ESPL1: variants seen among roughly 807,000 people sequenced by gnomAD.
ESPL1 encodes the protein separin.
ESPL1 carries 50 observed loss-of-function variants against 217.2 expected under a neutral mutation model. The ratio of observed to expected loss-of-function variants is 0.23; its 90% CI spans 0.18 to 0.29. The LOEUF (loss-of-function observed/expected upper bound fraction) is 0.29. Ranked by LOEUF, ESPL1 falls within the 10% of genes least tolerant of loss-of-function variation. The pLI, the probability that ESPL1 is intolerant of heterozygous loss-of-function variation, is 1.00. For synonymous variants in ESPL1, 994 were observed against 1,081.3 expected (o/e 0.92, Z 1.58); for missense variants, 1,834 against 2,603.0 (o/e 0.70, Z 6.43).
chr12:53,284,284 A>C (rs1306617822), intron 17 of ESPL1, 117 bp downstream of exon 17: 1 of 695,978 alleles, frequency 1.4e-6, no homozygotes, highest in Non-Finnish European at 2.6e-6. Context: ...GTCTCACTTT[A>C]TTACCCAGGC....
rs1285247596 is a variant in ESPL1 at position 53,282,426 on chromosome 12, T to C, written c.2782T>C (p.Cys928Arg). 2.5e-6 allele frequency: 4 copies of C among 1,614,126 alleles called. No individual in the cohort carries two copies. Among genetic ancestry groups the C allele is most frequent in the African/African-American group, 1.3e-5 (1 of 75,066 alleles). Residue 928 changes from cysteine (C) to arginine (R), a missense_variant, in exon 14 of 31, where the codon TGT (cysteine) becomes CGT (arginine). Around this residue, in one of 5 missense-constraint regions of ESPL1, gnomAD observed 107 missense variants for 171.7 expected, o/e 0.62. Coordinates refer to ENST00000257934, the MANE Select transcript of ESPL1 (RefSeq NM_012291.5). This position sits in a 1 kb window ranked among gnomAD's most constrained non-coding sequence, Gnocchi z 4.0. ...NLSHSLWEQL[C>R]AQGWQTPEIA... ...CTCACACTCCCTGTGGGAGCAGCTCTGTGCCCAAGGTGAAAGAATAGGGTG... is the reference window on the plus strand; with the variant it reads ...CTCACACTCCCTGTGGGAGCAGCTCCGTGCCCAAGGTGAAAGAATAGGGTG...
rs1943879800 is a variant in ESPL1 at position 53,282,504 on chromosome 12, A to G, written c.2791+69A>G. On this transcript the variant is annotated intron_variant, in intron 14 of 30. Coordinates refer to ENST00000257934, the MANE Select transcript of ESPL1 (RefSeq NM_012291.5). The surrounding 1 kb of genome is among the most constrained non-coding windows in gnomAD (Gnocchi z 4.0). ...GTCTGTCTGCTGTCAGCTCTTCTCA[A>G]ACCTCATCCCCTCTGCTGGCTAACT... The G allele has an allele frequency of 1.4e-6, 2 of 1,432,564 alleles. No homozygotes were observed. The highest frequency in any genetic ancestry group is 1.9e-5 in the Admixed American group (1 of 53,990). The allele number at this position is 1,432,564 out of a possible 1,614,324, so 88.7% of individuals were successfully genotyped here. A position where few individuals can be genotyped will look rare whatever the true frequency, so the allele number is the denominator to read the frequency against.
At chr12:53,270,542 GCCCTCAAACAGCTTTGGGGTTGCTCCAC>G in intron 4 of ESPL1, 60 bp downstream of exon 4, 1 of 294,940 alleles carries the variant, frequency 3.4e-6, no homozygotes, top group African/African-American at 6.8e-5. Context: ...TTGCTCCACT[GCCCTCAAACAGCTTTGGGGTTGCTCCAC>G]TGCCCTCAAA....
In ESPL1 at chr12:53,270,763, C is replaced by T. The variant is rs371969495; in HGVS notation, c.1334C>T (p.Ser445Leu). The T allele has an allele frequency of 8.7e-6, 14 of 1,614,148 alleles. No individual in the cohort carries two copies. The highest frequency in any genetic ancestry group is 1.7e-5 in the Admixed American group (1 of 60,010). ...VWMLEALEGL[S>L]GQELTDHMGM... ...ATGCTGGAGGCCTTAGAGGGCCTGT[C>T]GGGCCAAGAGCTGACGGACCACATG... The change falls in exon 5 of 31, where the codon TCG (serine) becomes TTG (leucine). Residue 445 changes from serine (S) to leucine (L), a missense_variant. Physicochemically the swap from Ser to Leu is moderately radical, Grantham distance 145. Transcript: ENST00000257934.
rs748052663 is a variant in ESPL1, at chr12:53,276,844, C to T, written c.1925C>T (p.Thr642Met). The T allele has an allele frequency of 4.0e-5, 64 of 1,613,644 alleles. No homozygotes were observed. The highest frequency in any genetic ancestry group is 2.3e-4 in the South Asian group (21 of 91,084). The change falls in exon 8 of 31, where the codon ACG (threonine) becomes ATG (methionine). Residue 642 changes from threonine to methionine, a missense_variant. Thr to Met is a moderately conservative substitution (Grantham distance 81, BLOSUM62 -1). Transcript: ENST00000257934. ...CAGGTGCTCTGCTACCACGACTTTA[C>T]GCAGCAGACCAACTGGTAAGGAGTA... ...LAQVLCYHDFTQQTNCSALDA... is the reference protein window; with the variant it reads ...LAQVLCYHDFMQQTNCSALDA...
chr12:53,282,463 T>A lies in ESPL1; in HGVS notation c.2791+28T>A. 6.2e-7 allele frequency: 1 copy of A among 1,603,222 alleles called. No homozygotes were observed. The highest frequency in any genetic ancestry group is 1.7e-4 in the Middle Eastern group (1 of 6,042). ...GAAAGAATAGGGTGGATGGCCCCCC[T>A]TGGATGACATGTATGGTCTGTCTGC... On this transcript the variant is annotated intron_variant, in intron 14 of 30. Coordinates refer to ENST00000257934, the MANE Select transcript of ESPL1 (RefSeq NM_012291.5). This position sits in a 1 kb window ranked among gnomAD's most constrained non-coding sequence, Gnocchi z 4.0.
chr12:53,278,677 C>T (rs1355170338), intron 11 of ESPL1, among the ~76,000 whole-genome samples: 2 of 151,136 alleles, frequency 1.3e-5, no homozygotes, highest in African/African-American at 2.4e-5. Flanking sequence ...CTGCAACTTC[C>T]GCCATCTGGG....
rs768578932 is a variant in ESPL1 at position 53,269,833 on chromosome 12, G to A, written c.891G>A (p.Gly297=). ...LAPSLQLCQL[G]VKLLQVGEEG... is the part of the protein sequence containing the mutation. The stretch of plus-strand genomic sequence containing the variant: ...CTAGCCTTCAGCTATGTCAGCTGGG[G>A]GTTAAGCTGCTGCAGGTTGGGGAGG... The change falls in exon 3 of 31, where the codon GGG becomes GGA. Residue 297 remains glycine, a synonymous_variant. Transcript: ENST00000257934. This position sits in a 1 kb window ranked among gnomAD's most constrained non-coding sequence, Gnocchi z 6.7. The A allele has an allele frequency of 2.5e-6, 4 of 1,614,214 alleles. No individual in the cohort carries two copies. The highest frequency in any genetic ancestry group is 2.7e-5 in the African/African-American group (2 of 75,054).
intron 25 of ESPL1, 62 bp from the exon 26 acceptor site, chr12:53,291,628 T>C: frequency 6.5e-7 from 1 of 1,526,950 alleles, no homozygotes; most frequent in Non-Finnish European, 8.9e-7. Context: ...AAACTGGACT[T>C]AATCCTTTCC....
At position 53,269,069 on chromosome 12, in the gene ESPL1, G is replaced by T. The variant is rs778301697; in HGVS notation, c.127G>T (p.Asp43Tyr). Residue 43 changes from aspartate to tyrosine, a missense_variant, in exon 3 of 31, where the codon GAT becomes TAT. Physicochemically the swap from Asp to Tyr is radical, Grantham distance 160. Coordinates refer to ENST00000257934, the MANE Select transcript of ESPL1 (RefSeq NM_012291.5). The surrounding 1 kb of genome is among the most constrained non-coding windows in gnomAD (Gnocchi z 6.7). Reference protein sequence around the residue: ...PPAGFPSSRSDAERRQACDAI... With the variant: ...PPAGFPSSRSYAERRQACDAI... ...AGCTGGTTTTCCCAGCAGCCGATCT[G>T]ATGCTGAGAGGAGACAAGCTTGTGA... 2 of 1,613,766 alleles carry T rather than the reference G, an allele frequency of 1.2e-6. No homozygotes were observed. Among genetic ancestry groups the T allele is most frequent in the Admixed American group, 3.3e-5 (2 of 60,000 alleles).
chr12:53,282,159 A>G lies in ESPL1; in HGVS notation c.2620-105A>G. On this transcript the variant is annotated intron_variant, in intron 13 of 30. Transcript: ENST00000257934. The surrounding 1 kb of genome is among the most constrained non-coding windows in gnomAD (Gnocchi z 4.0). ...ATTCAGAAAATTCTAAAATCTTTCTAATACCCAGGGCCTTCAGGGATGGGG... is the reference window on the plus strand; with the variant it reads ...ATTCAGAAAATTCTAAAATCTTTCTGATACCCAGGGCCTTCAGGGATGGGG... 1.1e-6 allele frequency: 1 copy of G among 887,748 alleles called. No individual in the cohort carries two copies. Among genetic ancestry groups the G allele is most frequent in the South Asian group, 1.5e-5 (1 of 64,812 alleles). The allele number at this position is 887,748 out of a possible 1,614,324, so 55.0% of individuals were successfully genotyped here.
At chr12:53,271,026 T>C (rs1030154519) in intron 5 of ESPL1, among the ~76,000 whole-genome samples, 2 of 152,024 alleles carry the variant, frequency 1.3e-5, no homozygotes, top group Non-Finnish European at 2.9e-5. Flanking sequence ...GGAATCTAAC[T>C]TGGCATTAAC....
intron 15 of ESPL1, 47 bp from the exon 16 acceptor site, chr12:53,283,335 A>T (rs771045216): frequency 1.9e-6 from 3 of 1,612,596 alleles, no homozygotes; most frequent in South Asian, 2.2e-5. Context: ...TCTCCAGAGG[A>T]TCCACACTGT....
chr12:53,275,860 C>T (rs1028445341), intron 7 of ESPL1, among the ~76,000 whole-genome samples: 7 of 151,934 alleles, frequency 4.6e-5, no homozygotes, highest in African/African-American at 7.3e-5. Context: ...GCCAGTGCGC[C>T]CAGCCTTCAC....
At chr12:53,272,992 T>G in intron 6 of ESPL1, 135 bp downstream of exon 6, 1 of 840,120 alleles carries the variant, frequency 1.2e-6, no homozygotes, top group South Asian at 1.7e-5. Flanking sequence ...TCTGGAGCAG[T>G]GTTTCCCAAA....
At position 53,292,119 on chromosome 12, in the gene ESPL1, A is replaced by C; in HGVS notation, c.5796+31A>C. 6.4e-7 allele frequency: 1 copy of C among 1,555,680 alleles called. No individual in the cohort carries two copies. Among genetic ancestry groups the C allele is most frequent in the Middle Eastern group, 1.7e-4 (1 of 5,952 alleles). ...GTTCAGGGCGTAGTGTCTGGGGATGACTGGCGACTGGGGAAGACGTCAACA... is the reference window on the plus strand; with the variant it reads ...GTTCAGGGCGTAGTGTCTGGGGATGCCTGGCGACTGGGGAAGACGTCAACA... On this transcript the variant is annotated intron_variant, in intron 27 of 30. Transcript: ENST00000257934. The surrounding 1 kb of genome is among the most constrained non-coding windows in gnomAD (Gnocchi z 4.5).
At position 53,286,090 on chromosome 12, in the gene ESPL1, C is replaced by A. The variant is rs550327166; in HGVS notation, c.3354C>A (p.Pro1118=). ...LVATVAKEPG[P]IAPSTNSSPV... ...CCACTGTGGCCAAGGAGCCTGGCCC[C>A]ATAGCACCTTCTACAAACTCCTCCC... is the stretch of plus-strand genomic sequence containing the variant. The change falls in exon 18 of 31, where the codon CCC becomes CCA. Residue 1118 remains proline (P), a synonymous_variant. Coordinates refer to ENST00000257934, the MANE Select transcript of ESPL1 (RefSeq NM_012291.5). This position sits in a 1 kb window ranked among gnomAD's most constrained non-coding sequence, Gnocchi z 5.3. 7.4e-6 allele frequency: 12 copies of A among 1,613,128 alleles called. No individual in the cohort carries two copies. Among genetic ancestry groups the A allele is most frequent in the East Asian group, 4.5e-5 (2 of 44,854 alleles).
intron 3 of ESPL1, 69 bp from the exon 4 acceptor site, chr12:53,270,309 G>A (rs767580469): frequency 5.0e-5 from 59 of 1,178,590 alleles, no homozygotes; most frequent in Non-Finnish European, 7.1e-5. Flanking sequence ...CCAGGACTCC[G>A]GGTCAGTCTT....
intron 19 of ESPL1, 84 bp from the exon 20 acceptor site, chr12:53,288,454 T>C: frequency 6.5e-7 from 1 of 1,546,974 alleles, no homozygotes; most frequent in Non-Finnish European, 8.7e-7. Context: ...TTTTGCTGAC[T>C]CTAAGGGAGT....
Sources: allele counts gnomAD v4.1 joint callset (sites outside exome capture counted in the v4.1 genomes callset), GRCh38; gene constraint gnomAD v4.1.1; regional missense constraint gnomAD v4.1.1; non-coding constraint Gnocchi (gnomAD v3.1); transcripts MANE v1.5; gene names NCBI Gene and HGNC (gene_info 2026-07-23, HGNC 2026-07-21).